The following MFHAS1 variants were observed in gnomAD, a reference collection of about 807,000 sequenced individuals.
MFHAS1 encodes the protein malignant fibrous histiocytoma-amplified sequence 1.
MFHAS1 carries 50 observed loss-of-function variants against 70.4 expected under a neutral mutation model. The observed-to-expected ratio is 0.71, with a 90% confidence interval of 0.57 to 0.90. MFHAS1 has a LOEUF of 0.90. Among genes scored for constraint, MFHAS1 ranks in the 40% least tolerant of loss-of-function variants. The pLI is 0.00. For missense variants in MFHAS1, 1,795 were observed against 1,347.6 expected, an observed-to-expected ratio of 1.33 and a Z score of -5.20; for synonymous variants, 952 against 620.0, an observed-to-expected ratio of 1.54 and a Z score of -7.96.
At chr8:8,839,514 T>C (rs1417666846) in intron 1 of MFHAS1, among the ~76,000 whole-genome samples, 1 of 152,180 alleles carries the variant, frequency 6.6e-6, no homozygotes, top group Non-Finnish European at 1.5e-5. Flanking sequence ...AATCTACCAA[T>C]TATGAAATTA....
chr8:8,871,656 G>C (rs1054458607), intron 1 of MFHAS1, among the ~76,000 whole-genome samples: 1 of 152,156 alleles, frequency 6.6e-6, no homozygotes, highest in African/African-American at 2.4e-5. Flanking sequence ...GGAACTGTTA[G>C]AATTATTTTT....
At chr8:8,849,529 G>A (rs1035226457) in intron 1 of MFHAS1, among the ~76,000 whole-genome samples, 4 of 152,254 alleles carry the variant, frequency 2.6e-5, no homozygotes, top group South Asian at 2.1e-4. Context: ...AGAAACGTGG[G>A]GTTATTATAA....
intron 1 of MFHAS1, among the ~76,000 whole-genome samples, chr8:8,837,378 C>G (rs1482551335): frequency 6.6e-6 from 1 of 152,188 alleles, no homozygotes; most frequent in Non-Finnish European, 1.5e-5. Context: ...CGCAGTGGCT[C>G]ACGCCTAATC....
intron 1 of MFHAS1, among the ~76,000 whole-genome samples, chr8:8,874,581 A>C (rs1445984268): frequency 6.6e-6 from 1 of 152,198 alleles, no homozygotes; most frequent in Non-Finnish European, 1.5e-5. Flanking sequence ...GGGGTTATGA[A>C]AAAGGGGGCT....
At chr8:8,835,587 G>GA (rs1454746122) in intron 1 of MFHAS1, among the ~76,000 whole-genome samples, 1 of 152,138 alleles carries the variant, frequency 6.6e-6, no homozygotes, top group Non-Finnish European at 1.5e-5. Context: ...TCTTTTATGT[G>GA]AACAATTTTT....
At chr8:8,873,718 C>G (rs1809179036) in intron 1 of MFHAS1, among the ~76,000 whole-genome samples, 1 of 152,246 alleles carries the variant, frequency 6.6e-6, no homozygotes, top group Admixed American at 6.5e-5. Flanking sequence ...TAAAAACAAC[C>G]ACGCAGCGCG....
rs375805429 is a variant in MFHAS1 at position 8,784,537 on chromosome 8, G to A, written c.*1485C>T. ...GGGCACAAAATATTCTACAAAAATC[G>A]GTTTGTGATTTCTAGCAGGGCAGTC... On this transcript the variant is annotated 3_prime_UTR_variant, in exon 3 of 3. Transcript: ENST00000276282. 4.2e-4 allele frequency: 64 copies of A among 152,164 alleles called. No individual in the cohort carries two copies. The highest frequency in any genetic ancestry group is 1.1e-3 in the African/African-American group (45 of 41,430). The allele number at this position is 152,164 out of a possible 1,614,324, so 9.4% of individuals were successfully genotyped here.
chr8:8,784,919 G>C lies in MFHAS1; in HGVS notation c.*1103C>G, dbSNP rs1259208256. 6.6e-6 allele frequency: 1 copy of C among 152,190 alleles called. No individual in the cohort carries two copies. The highest frequency in any genetic ancestry group is 2.4e-5 in the African/African-American group (1 of 41,446). The allele number at this position is 152,190 out of a possible 1,614,324, so 9.4% of individuals were successfully genotyped here. ...TTCTTGGCAGGAGACCGTCCAATCAGAGGCTCTGTATTTATAAATAACCCG... is the reference window on the plus strand; with the variant it reads ...TTCTTGGCAGGAGACCGTCCAATCACAGGCTCTGTATTTATAAATAACCCG... On this transcript the variant is annotated 3_prime_UTR_variant, in exon 3 of 3. Coordinates refer to ENST00000276282, the MANE Select transcript of MFHAS1 (RefSeq NM_004225.3).
intron 1 of MFHAS1, among the ~76,000 whole-genome samples, chr8:8,869,560 T>C (rs1395384779): frequency 5.3e-5 from 8 of 152,142 alleles, no homozygotes; most frequent in African/African-American, 1.9e-4. Context: ...CCTAAGACTA[T>C]ATATCTCCTG....
At position 8,891,766 on chromosome 8, in the gene MFHAS1, C is replaced by A. The variant is rs1205278914; in HGVS notation, c.1293G>T (p.Glu431Asp). Residue 431 changes from glutamate to aspartate, a missense_variant, in exon 1 of 3, where the codon GAG becomes GAT. Glu to Asp is a conservative substitution (Grantham distance 45). Coordinates refer to ENST00000276282, the MANE Select transcript of MFHAS1 (RefSeq NM_004225.3). The surrounding 1 kb of genome is among the most constrained non-coding windows in gnomAD (Gnocchi z 5.4). ...CTCCTGGGCATCCCTCCACTCTCTC[C>A]TCGGTGAGGCAGTGGCGCAGCAAAG... is the stretch of plus-strand genomic sequence containing the variant. Reference protein sequence around the residue: ...GKTLLRHCLTEERVEGCPGGG... With the variant: ...GKTLLRHCLTDERVEGCPGGG... 1.4e-5 allele frequency: 22 copies of A among 1,613,300 alleles called. No homozygotes were observed. The highest frequency in any genetic ancestry group is 1.9e-5 in the Non-Finnish European group (22 of 1,180,050).
intron 1 of MFHAS1, among the ~76,000 whole-genome samples, chr8:8,802,302 G>C (rs1251986723): frequency 1.3e-5 from 2 of 152,192 alleles, no homozygotes; most frequent in South Asian, 4.1e-4. Flanking sequence ...ATCACTACCA[G>C]ATATCCTGTG....
At chr8:8,862,589 G>C (rs2116892031) in intron 1 of MFHAS1, among the ~76,000 whole-genome samples, 1 of 152,226 alleles carries the variant, frequency 6.6e-6, no homozygotes, top group South Asian at 2.1e-4. Context: ...GTGATGAACA[G>C]GCAGAGCTCA....
At chr8:8,815,268 G>C (rs1806698531) in intron 1 of MFHAS1, among the ~76,000 whole-genome samples, 1 of 152,136 alleles carries the variant, frequency 6.6e-6, no homozygotes, top group African/African-American at 2.4e-5. Context: ...GTCTATCATT[G>C]ATGGGCATTT....
chr8:8,829,116 A>G (rs535104262), intron 1 of MFHAS1, among the ~76,000 whole-genome samples: 31 of 152,232 alleles, frequency 2.0e-4, no homozygotes, highest in Non-Finnish European at 3.8e-4. Context: ...CTACTTTAAC[A>G]TAAGGAAATC....
At chr8:8,849,004 C>A (rs1225459743) in intron 1 of MFHAS1, among the ~76,000 whole-genome samples, 1 of 150,602 alleles carries the variant, frequency 6.6e-6, no homozygotes, top group Non-Finnish European at 1.5e-5. Context: ...CTTCCTCCCA[C>A]TAGCAGGGTA....
At chr8:8,860,292 C>T (rs1585056806) in intron 1 of MFHAS1, among the ~76,000 whole-genome samples, 1 of 152,130 alleles carries the variant, frequency 6.6e-6, no homozygotes, top group African/African-American at 2.4e-5. Context: ...CTGTGCTACG[C>T]GTCAACAATC....
rs141278509 is a variant in MFHAS1 at position 8,892,735 on chromosome 8, C to G, written c.324G>C (p.Glu108Asp). 1 of 1,572,908 alleles carries G rather than the reference C, an allele frequency of 6.4e-7. No individual in the cohort carries two copies. Among genetic ancestry groups the G allele is most frequent in the East Asian group, 2.3e-5 (1 of 43,514 alleles). The change falls in exon 1 of 3, where the codon GAG (glutamate) becomes GAC (aspartate). Residue 108 changes from glutamate (E) to aspartate (D), a missense_variant. Coordinates refer to ENST00000276282, the MANE Select transcript of MFHAS1 (RefSeq NM_004225.3). This position sits in a 1 kb window ranked among gnomAD's most constrained non-coding sequence, Gnocchi z 4.7. ...RFARLPPAVA[E>D]LGHHLTELDV... ...CCAGCTCGGTGAGGTGGTGGCCGAG[C>G]TCGGCCACCGCCGGGGGCAGCCGGG...
rs1805447411 is a variant in MFHAS1 at position 8,783,971 on chromosome 8, G to T, written c.*2051C>A. The T allele has an allele frequency of 1.3e-5, 2 of 152,192 alleles. No individual in the cohort carries two copies. Among genetic ancestry groups the T allele is most frequent in the South Asian group, 4.2e-4 (2 of 4,808 alleles). The allele number at this position is 152,192 out of a possible 1,614,324, so 9.4% of individuals were successfully genotyped here. ...TGACACCAAGGTTTCCTCTGACACT[G>T]CTTCTCTAGGGTTCAGATGACAGCA... is the stretch of plus-strand genomic sequence containing the variant. On this transcript the variant is annotated 3_prime_UTR_variant, in exon 3 of 3. Transcript: ENST00000276282.
chr8:8,892,278 CGTT>C lies in MFHAS1; in HGVS notation c.778_780del (p.Asn260del). ...AACTGGGCGGGCAGAGCCTGCAGCC[CGTT>C]GTTGTCTAGCATGAGGCTCTCCAAA... On this transcript the variant is annotated inframe_deletion, in exon 1 of 3. Transcript: ENST00000276282. The surrounding 1 kb of genome is among the most constrained non-coding windows in gnomAD (Gnocchi z 4.7). 1 of 1,612,054 alleles carries C rather than the reference CGTT, an allele frequency of 6.2e-7. No individual in the cohort carries two copies. Among genetic ancestry groups the C allele is most frequent in the Non-Finnish European group, 8.5e-7 (1 of 1,179,912 alleles).
Sources: gnomAD v4.1 joint callset for allele counts (sites outside exome capture counted in the v4.1 genomes callset) on GRCh38, gnomAD v4.1.1 for gene constraint, Gnocchi (gnomAD v3.1) non-coding constraint, MANE v1.5 for transcripts, NCBI Gene and HGNC (gene_info 2026-07-23, HGNC 2026-07-21) for gene names.